The following PBX1 variants were observed in gnomAD, a reference collection of about 807,000 sequenced individuals.
The protein encoded by PBX1 is PBX homeobox 1, also known as pre-B-cell leukemia transcription factor 1.
In PBX1, 6 loss-of-function variants were observed where a neutral mutation model predicts 53.4. The observed-to-expected ratio is 0.11, with a 90% CI of 0.06 to 0.22. The LOEUF (loss-of-function observed/expected upper bound fraction) is 0.22, where lower values mean the gene tolerates loss of function less well. PBX1 is among the 10% of genes least tolerant of loss of function. The pLI is 1.00. For missense variants in PBX1, 251 were observed against 551.4 expected (o/e 0.46, Z 5.46); for synonymous variants, 204 against 212.3 (o/e 0.96, Z 0.34).
chr1:164,602,297 C>T lies in PBX1; in HGVS notation c.265+38986C>T, dbSNP rs146134849. Among the ~76,000 whole-genome samples the T allele has an allele frequency of 2.3e-3, 352 of 152,286 alleles. 8 individuals are homozygous for T. The highest frequency in any genetic ancestry group is 0.018 in the Admixed American group (271 of 15,300). On this transcript the variant is annotated intron_variant, in intron 2 of 8. Transcript: ENST00000420696. ...ATTGCTATGGGAGGGCCCCACCCTC[C>T]AAGCCATCTCCCCTCACACCCCGCT...
rs184739350 is a variant in PBX1 at position 164,760,630 on chromosome 1, C to A, written c.266-31864C>A. ...TTTCTTCTTCTCTCGTCTGTGGTTG[C>A]AAGTCAGTTTTTGTAGCCCTGTCAT... On this transcript the variant is annotated intron_variant, in intron 2 of 8. Transcript: ENST00000420696. Among the ~76,000 whole-genome samples, 265 of 152,226 alleles carry A rather than the reference C, an allele frequency of 1.7e-3. 4 individuals carry two copies. Among genetic ancestry groups the A allele is most frequent in the Admixed American group, 0.015 (231 of 15,300 alleles).
intron 2 of PBX1, among the ~76,000 whole-genome samples, chr1:164,685,316 AGTT>A (rs1476521583): frequency 3.9e-5 from 6 of 152,136 alleles, no homozygotes; most frequent in African/African-American, 7.2e-5. Context: ...GCATTATTAC[AGTT>A]GTTGTTATTT....
chr1:164,601,395 T>C (rs1313114446), intron 2 of PBX1, among the ~76,000 whole-genome samples: 1 of 152,152 alleles, frequency 6.6e-6, no homozygotes, highest in African/African-American at 2.4e-5. Flanking sequence ...CTCTAGTTCT[T>C]TCTGAGGCAT....
At chr1:164,799,330 A>G (rs1668943995) in intron 3 of PBX1, among the ~76,000 whole-genome samples, 1 of 152,048 alleles carries the variant, frequency 6.6e-6, no homozygotes, top group Non-Finnish European at 1.5e-5. Flanking sequence ...CTCTACTAAA[A>G]TTACAAAAAA....
intron 2 of PBX1, among the ~76,000 whole-genome samples, chr1:164,766,219 CAG>C: frequency 1.3e-5 from 2 of 152,242 alleles, no homozygotes; most frequent in Non-Finnish European, 2.9e-5. Context: ...TCTAGAAGGA[CAG>C]TTTAAATGTG....
chr1:164,615,219 A>G (rs1249348699), intron 2 of PBX1, among the ~76,000 whole-genome samples: 1 of 152,222 alleles, frequency 6.6e-6, no homozygotes, highest in African/African-American at 2.4e-5. Context: ...AAAATAAGAA[A>G]AATGAGTAAG....
intron 2 of PBX1, among the ~76,000 whole-genome samples, chr1:164,639,102 C>T (rs1172567435): frequency 6.6e-6 from 1 of 152,196 alleles, no homozygotes; most frequent in Non-Finnish European, 1.5e-5. Flanking sequence ...CTGAACCTTA[C>T]CGCTCTTGTC....
intron 2 of PBX1, among the ~76,000 whole-genome samples, chr1:164,716,539 A>G (rs1310483659): frequency 1.3e-5 from 2 of 152,098 alleles, no homozygotes; most frequent in African/African-American, 2.4e-5. Flanking sequence ...TCTGTACCTG[A>G]TAAGTCTCTG....
chr1:164,745,022 T>C (rs910065798), intron 2 of PBX1, among the ~76,000 whole-genome samples: 1 of 152,160 alleles, frequency 6.6e-6, no homozygotes, highest in Non-Finnish European at 1.5e-5. Flanking sequence ...AAGTACTGTT[T>C]CTATTCCCAT....
chr1:164,874,490 T>C (rs1672458476), intron 2 of PBX1, among the ~76,000 whole-genome samples: 1 of 152,182 alleles, frequency 6.6e-6, no homozygotes. Context: ...CGTTTGTTTC[T>C]TTCTTTCTTT....
rs575105170 is a variant in PBX1, at chr1:164,727,178, T to A, written c.266-65316T>A. Among the ~76,000 whole-genome samples, 199 of 152,372 alleles carry A rather than the reference T, an allele frequency of 1.3e-3. 5 individuals are homozygous for A. In the South Asian group the frequency reaches 0.041, roughly 31 times the overall value. On this transcript the variant is annotated intron_variant, in intron 2 of 8. Transcript: ENST00000420696. ...CATTCACCCCTTGGCATGCTCATAA[T>A]GAACATGTAATGAAATTCAGTAATT...
chr1:164,768,492 C>G (rs993355473), intron 2 of PBX1, among the ~76,000 whole-genome samples: 2 of 152,198 alleles, frequency 1.3e-5, no homozygotes, highest in African/African-American at 4.8e-5. Flanking sequence ...CTGAGCACTG[C>G]TTTATAACTT....
chr1:164,688,084 C>T (rs1218525119), intron 2 of PBX1, among the ~76,000 whole-genome samples: 5 of 152,174 alleles, frequency 3.3e-5, no homozygotes, highest in Non-Finnish European at 7.3e-5. Flanking sequence ...CGGGGGACAC[C>T]TGCCTCTCCC....
chr1:164,637,041 G>A (rs1658826202), intron 2 of PBX1, among the ~76,000 whole-genome samples: 1 of 152,170 alleles, frequency 6.6e-6, no homozygotes, highest in Admixed American at 6.5e-5. Flanking sequence ...GGAGTGCTCA[G>A]TATCTTCAGC....
At chr1:164,818,539 G>T (rs1251394670) in intron 6 of PBX1, 2 of 152,114 alleles carry the variant, frequency 1.3e-5, no homozygotes, top group Non-Finnish European at 1.5e-5. Context: ...GAAGGAATGA[G>T]AAGGGAGTTA....
At chr1:164,820,627 T>A (rs1029085716) in intron 7 of PBX1, among the ~76,000 whole-genome samples, 1 of 152,336 alleles carries the variant, frequency 6.6e-6, no homozygotes, top group East Asian at 1.9e-4. Flanking sequence ...GTTTTCATTT[T>A]AAGCTTTAAA....
chr1:164,685,947 T>A (rs1662067724), intron 2 of PBX1, among the ~76,000 whole-genome samples: 1 of 152,172 alleles, frequency 6.6e-6, no homozygotes, highest in Non-Finnish European at 1.5e-5. Context: ...TCCCCCGTGG[T>A]GAGTGTTACA....
chr1:164,621,818 A>C (rs1657699304), intron 2 of PBX1, among the ~76,000 whole-genome samples: 1 of 152,124 alleles, frequency 6.6e-6, no homozygotes, highest in Non-Finnish European at 1.5e-5. Flanking sequence ...TGCCCATCGA[A>C]TAGGCATTTG....
At chr1:164,672,167 G>A (rs1361191693) in intron 2 of PBX1, among the ~76,000 whole-genome samples, 1 of 151,424 alleles carries the variant, frequency 6.6e-6, no homozygotes, top group Non-Finnish European at 1.5e-5. Flanking sequence ...CAGCGTGTCT[G>A]TCTCTACATA....
Sources: gnomAD v4.1 joint callset for allele counts (sites outside exome capture counted in the v4.1 genomes callset) on GRCh38, gnomAD v4.1.1 for gene constraint, MANE v1.5 for transcripts, NCBI Gene and HGNC (gene_info 2026-07-23, HGNC 2026-07-21) for gene names.